The following TSC1 variants were observed in gnomAD, a reference collection of about 807,000 sequenced individuals.
TSC1 encodes hamartin.
TSC1 carries 20 observed loss-of-function variants against 124.3 expected under a neutral mutation model. The observed-to-expected ratio is 0.16, with a 90% CI of 0.11 to 0.23. TSC1 has a LOEUF of 0.23. Ranked by LOEUF, TSC1 falls within the 10% of genes least tolerant of loss-of-function variation. The probability of loss-of-function intolerance (pLI) is 1.00; values close to 1 mark genes in which losing one functional copy is unlikely to be tolerated. For synonymous variants in TSC1, 493 were observed against 539.1 expected, an observed-to-expected ratio of 0.91 and a Z score of 1.19; for missense variants, 1,124 against 1,448.5, an observed-to-expected ratio of 0.78 and a Z score of 3.64.
intron 1 of TSC1, among the ~76,000 whole-genome samples, chr9:132,937,556 G>A (rs767715925): frequency 6.6e-6 from 1 of 152,160 alleles, no homozygotes; most frequent in African/African-American, 2.4e-5. Context: ...GACTAATCCC[G>A]GTTGGACATT....
intron 1 of TSC1, among the ~76,000 whole-genome samples, chr9:132,944,207 CACCAAGTG>C (rs763468028): frequency 3.9e-5 from 6 of 152,164 alleles, no homozygotes; most frequent in Admixed American, 1.3e-4. Flanking sequence ...CCTGTCACCC[CACCAAGTG>C]AGGGACTGAC....
At position 132,928,961 on chromosome 9, in the gene TSC1, A is replaced by T; in HGVS notation, c.-80-9T>A. On this transcript the variant is annotated splice_polypyrimidine_tract_variant and intron_variant, in intron 2 of 22. Coordinates refer to ENST00000298552, the MANE Select transcript of TSC1 (RefSeq NM_000368.5). ...TTGGGGCCACTACCAAACTGAGAAA[A>T]AGGAAGATGAACAGTCACTAAATGG... The T allele has an allele frequency of 1.3e-6, 2 of 1,586,720 alleles. No individual in the cohort carries two copies. The highest frequency in any genetic ancestry group is 1.7e-6 in the Non-Finnish European group (2 of 1,167,518).
At chr9:132,918,936 T>G (rs1464748654) in intron 8 of TSC1, among the ~76,000 whole-genome samples, 1 of 152,178 alleles carries the variant, frequency 6.6e-6, no homozygotes, top group Non-Finnish European at 1.5e-5. Context: ...AGAAACAGAT[T>G]ATGCAGGGAA....
At chr9:132,912,204 A>G in intron 9 of TSC1, 78 bp downstream of exon 9, 1 of 1,580,496 alleles carries the variant, frequency 6.3e-7, no homozygotes, top group Non-Finnish European at 8.7e-7. Flanking sequence ...TTACTCCAGA[A>G]AAGAAAATCA....
rs1243517556 is a variant in TSC1 at position 132,944,523 on chromosome 9, G to A, written c.-144+20C>T. On this transcript the variant is annotated intron_variant, in intron 1 of 22. Coordinates refer to ENST00000298552, the MANE Select transcript of TSC1 (RefSeq NM_000368.5). Reference sequence around the variant, plus strand: ...CAGGAAGCCCCCATAAAAAGGAGGGGGAGACACCCCCATACTCACCCACCG... The same window carrying A: ...CAGGAAGCCCCCATAAAAAGGAGGGAGAGACACCCCCATACTCACCCACCG... 2.5e-6 allele frequency: 1 copy of A among 398,614 alleles called. No individual in the cohort carries two copies. The highest frequency in any genetic ancestry group is 4.4e-6 in the Non-Finnish European group (1 of 226,134). The allele number at this position is 398,614 out of a possible 1,614,324, so 24.7% of individuals were successfully genotyped here.
rs775823272 is a variant in TSC1, at chr9:132,913,891, G to GTT, written c.738-1436_738-1435dup. Among the ~76,000 whole-genome samples, 82 of 58,374 alleles carry GTT rather than the reference G, an allele frequency of 1.4e-3. 1 individual carries two copies. The highest frequency in any genetic ancestry group is 0.026 in the Middle Eastern group (1 of 38). The allele number at this position is 58,374 out of a possible 152,430, so 38.3% of individuals were successfully genotyped here. A position where few individuals can be genotyped will look rare whatever the true frequency, so the allele number is the denominator to read the frequency against. ...TCCCATGGGTTTTTTGTTTTGTTTT[G>GTT]TTTTTTTTTTTTTTTTTTTTTTTTT... On this transcript the variant is annotated intron_variant, in intron 8 of 22. Coordinates refer to ENST00000298552, the MANE Select transcript of TSC1 (RefSeq NM_000368.5).
At chr9:132,927,730 T>C (rs1490000496) in intron 3 of TSC1, among the ~76,000 whole-genome samples, 2 of 152,140 alleles carry the variant, frequency 1.3e-5, no homozygotes, top group Admixed American at 6.6e-5. Flanking sequence ...TTTCACCACA[T>C]TGGCCAACAT....
At position 132,923,571 on chromosome 9, in the gene TSC1, C is replaced by A; in HGVS notation, c.364-79G>T. On this transcript the variant is annotated intron_variant, in intron 5 of 22. Coordinates refer to ENST00000298552, the MANE Select transcript of TSC1 (RefSeq NM_000368.5). This position sits in a 1 kb window ranked among gnomAD's most constrained non-coding sequence, Gnocchi z 4.2. Reference sequence around the variant, plus strand: ...CGGCATTGTACAGTACATGAAGAGGCTCTAAACACTGAGAGAATCACAAAT... The same window carrying A: ...CGGCATTGTACAGTACATGAAGAGGATCTAAACACTGAGAGAATCACAAAT... 1.3e-6 allele frequency: 2 copies of A among 1,590,468 alleles called. No homozygotes were observed. The highest frequency in any genetic ancestry group is 1.7e-6 in the Non-Finnish European group (2 of 1,160,646).
At chr9:132,911,170 G>A in intron 10 of TSC1, 57 bp from the exon 11 acceptor site, 4 of 1,390,640 alleles carry the variant, frequency 2.9e-6, no homozygotes, top group Non-Finnish European at 4.1e-6. Context: ...TCATCCACGA[G>A]GTTTATATCC....
At position 132,921,211 on chromosome 9, in the gene TSC1, C is replaced by A; in HGVS notation, c.737+152G>T. 1 of 797,748 alleles carries A rather than the reference C, an allele frequency of 1.3e-6. No individual in the cohort carries two copies. The highest frequency in any genetic ancestry group is 2.1e-6 in the Non-Finnish European group (1 of 474,202). The allele number at this position is 797,748 out of a possible 1,614,324, so 49.4% of individuals were successfully genotyped here. On this transcript the variant is annotated intron_variant, in intron 8 of 22. Transcript: ENST00000298552. The surrounding 1 kb of genome is among the most constrained non-coding windows in gnomAD (Gnocchi z 4.3). ...CTGTGAAGAGTATGTTTTAAACTCA[C>A]ACAAATTTTAGCTGTATGAGTGCTT... is the stretch of plus-strand genomic sequence containing the variant.
rs113337242 is a variant in TSC1, at chr9:132,918,746, G to A, written c.737+2617C>T. Among the ~76,000 whole-genome samples the A allele has an allele frequency of 4.3e-3, 655 of 152,016 alleles. 5 individuals carry two copies. The highest frequency in any genetic ancestry group is 5.0e-3 in the Non-Finnish European group (340 of 67,986). ...ACCAGCTCAAGAAGAAAACAATACC[G>A]ACACCACTATTTCCAACAGATGCTC... On this transcript the variant is annotated intron_variant, in intron 8 of 22. Transcript: ENST00000298552.
rs76801599 is a variant in TSC1 at position 132,897,540 on chromosome 9, G to C, written c.2696C>G (p.Thr899Ser). The C allele has an allele frequency of 1.1e-4, 170 of 1,597,948 alleles. 2 individuals are homozygous for C. In the East Asian group the frequency reaches 3.9e-3, roughly 36 times the overall value. ...EKNRSHVLQQ[T>S]QRLDTSQKRI... ...TTTTTGGGAGGTATCAAGCCTCTGA[G>C]TCTGCTGGAGAACATGGCTTCTGTT... Residue 899 changes from threonine (T) to serine (S), a missense_variant, in exon 21 of 23, where the codon ACT (threonine) becomes AGT (serine). Thr to Ser is a moderately conservative substitution (Grantham distance 58). Around this residue, in one of 5 missense-constraint regions of TSC1, gnomAD observed 325 missense variants for 383.4 expected, o/e 0.85. Transcript: ENST00000298552.
chr9:132,921,216 AT>A lies in TSC1; in HGVS notation c.737+146del. On this transcript the variant is annotated intron_variant, in intron 8 of 22. Transcript: ENST00000298552. The surrounding 1 kb of genome is among the most constrained non-coding windows in gnomAD (Gnocchi z 4.3). ...AAGAGTATGTTTTAAACTCACACAA[AT>A]TTTAGCTGTATGAGTGCTTCCAAGT... 1 of 814,650 alleles carries A rather than the reference AT, an allele frequency of 1.2e-6. No homozygotes were observed. Among genetic ancestry groups the A allele is most frequent in the Middle Eastern group, 2.8e-4 (1 of 3,632 alleles). The allele number at this position is 814,650 out of a possible 1,614,324, so 50.5% of individuals were successfully genotyped here.
intron 19 of TSC1, among the ~76,000 whole-genome samples, chr9:132,901,282 T>TC (rs1247743811): frequency 6.6e-6 from 1 of 152,190 alleles, no homozygotes; most frequent in African/African-American, 2.4e-5. Flanking sequence ...AAGAAAGAGT[T>TC]CCATGGGATA....
chr9:132,923,484 A>C lies in TSC1; in HGVS notation c.372T>G (p.Thr124=), dbSNP rs1237342078. The C allele has an allele frequency of 6.2e-7, 1 of 1,614,152 alleles. No homozygotes were observed. Among genetic ancestry groups the C allele is most frequent in the Non-Finnish European group, 8.5e-7 (1 of 1,179,980 alleles). ...CGCCTGTTGTGAGGACAACGACGTC[A>C]GTGTCCATCTGCAGGAGAAAAGGTC... ...PSLLKCLKMD[T]DVVVLTTGVL... is the part of the protein sequence containing the mutation. Residue 124 remains threonine, a synonymous_variant, in exon 6 of 23, where the codon ACT becomes ACG. Transcript: ENST00000298552. The surrounding 1 kb of genome is among the most constrained non-coding windows in gnomAD (Gnocchi z 4.2).
At chr9:132,937,746 C>T (rs1009972992) in intron 1 of TSC1, among the ~76,000 whole-genome samples, 3 of 152,102 alleles carry the variant, frequency 2.0e-5, no homozygotes, top group African/African-American at 4.8e-5. Context: ...CCTGCTCTGT[C>T]GCTCAGGCTG....
At chr9:132,900,429 T>C (rs2131680094) in intron 20 of TSC1, 1 of 431,364 alleles carries the variant, frequency 2.3e-6, no homozygotes, top group South Asian at 2.1e-5. Context: ...CTCTCCCTCT[T>C]TGAAAGGCAG....
At chr9:132,899,189 G>A (rs751921096) in intron 20 of TSC1, 7 of 152,312 alleles carry the variant, frequency 4.6e-5, no homozygotes, top group Non-Finnish European at 8.8e-5. Flanking sequence ...GCCTACCAAA[G>A]TGCTGGGATT....
At chr9:132,897,049 G>A in intron 22 of TSC1, 135 bp downstream of exon 22, 2 of 1,410,976 alleles carry the variant, frequency 1.4e-6, no homozygotes, top group East Asian at 2.3e-5. Context: ...GTCAGAGTGG[G>A]TCTCTGACAC....
Sources: gnomAD v4.1 joint callset for allele counts (sites outside exome capture counted in the v4.1 genomes callset) on GRCh38, gnomAD v4.1.1 for gene constraint, gnomAD v4.1.1 regional missense constraint, Gnocchi (gnomAD v3.1) non-coding constraint, MANE v1.5 for transcripts, NCBI Gene and HGNC (gene_info 2026-07-23, HGNC 2026-07-21) for gene names.